USP32: variants seen among roughly 807,000 people sequenced by gnomAD.
The protein encoded by USP32 is ubiquitin carboxyl-terminal hydrolase 32.
In USP32, 59 loss-of-function variants were observed where a neutral mutation model predicts 204.8. That is an observed-to-expected ratio of 0.29 (90% CI 0.23 to 0.36). The LOEUF is 0.36. USP32 is among the 10% of genes least tolerant of loss of function. The pLI, the probability that USP32 is intolerant of heterozygous loss-of-function variation, is 1.00. For synonymous variants in USP32, 517 were observed against 678.4 expected, an observed-to-expected ratio of 0.76 and a Z score of 3.70; for missense variants, 1,160 against 1,946.4, an observed-to-expected ratio of 0.60 and a Z score of 7.60.
At chr17:60,311,909 G>A (rs1193397782) in intron 2 of USP32, among the ~76,000 whole-genome samples, 2 of 152,130 alleles carry the variant, frequency 1.3e-5, no homozygotes, top group African/African-American at 4.8e-5. Context: ...GCTGCTTTCT[G>A]GTCCTGGTCA....
intron 1 of USP32, among the ~76,000 whole-genome samples, chr17:60,416,958 C>T (rs920230139): frequency 8.7e-5 from 13 of 150,006 alleles, no homozygotes; most frequent in African/African-American, 2.5e-4. Flanking sequence ...CAATCTGTCA[C>T]GCAGGTTGGA....
intron 29 of USP32, among the ~76,000 whole-genome samples, chr17:60,187,360 C>G (rs1217735061): frequency 6.6e-6 from 1 of 152,134 alleles, no homozygotes; most frequent in East Asian, 1.9e-4. Flanking sequence ...CTGGCTTGGA[C>G]TTGGGTTATA....
At chr17:60,208,022 G>T in intron 24 of USP32, 37 bp downstream of exon 24, 1 of 1,517,998 alleles carries the variant, frequency 6.6e-7, no homozygotes, top group East Asian at 2.3e-5. Flanking sequence ...ATCTTTGGAG[G>T]ATAGAATCAA....
intron 4 of USP32, among the ~76,000 whole-genome samples, chr17:60,290,341 T>C (rs1322126575): frequency 2.0e-5 from 3 of 152,246 alleles, no homozygotes; most frequent in Non-Finnish European, 1.5e-5. Flanking sequence ...TCTTCATGTA[T>C]GCCCTATACA....
chr17:60,309,981 T>C (rs1413951885), intron 2 of USP32, among the ~76,000 whole-genome samples: 1 of 151,552 alleles, frequency 6.6e-6, no homozygotes, highest in Non-Finnish European at 1.5e-5. Flanking sequence ...GAGGTGGAGG[T>C]TGCAGTGAGC....
rs532698719 is a variant in USP32 at position 60,181,507 on chromosome 17, T to C, written c.4365A>G (p.Gln1455=). ...LSRGHVLGGS[Q]PELVTPQDHE... Reference sequence around the variant, plus strand: ...GGTCCTGAGGAGTGACCAACTCTGGTTGGCTGCCCCCCAGCACATGCCCTC... The same window carrying C: ...GGTCCTGAGGAGTGACCAACTCTGGCTGGCTGCCCCCCAGCACATGCCCTC... Residue 1455 remains glutamine, a synonymous_variant, in exon 32 of 34, where the codon CAA becomes CAG. Coordinates refer to ENST00000300896, the MANE Select transcript of USP32 (RefSeq NM_032582.4). The C allele has an allele frequency of 4.3e-6, 7 of 1,614,020 alleles. No homozygotes were observed. The highest frequency in any genetic ancestry group is 4.5e-5 in the East Asian group (2 of 44,876).
chr17:60,274,419 A>G (rs143348960), intron 5 of USP32, among the ~76,000 whole-genome samples: 1 of 152,330 alleles, frequency 6.6e-6, no homozygotes, highest in East Asian at 1.9e-4. Flanking sequence ...TGAAAACTAT[A>G]TTCCCACAGA....
At chr17:60,270,270 A>G (rs1161342328) in intron 6 of USP32, among the ~76,000 whole-genome samples, 2 of 152,234 alleles carry the variant, frequency 1.3e-5, no homozygotes, top group Non-Finnish European at 2.9e-5. Flanking sequence ...GTAGAAACCC[A>G]GAGCCCTATC....
chr17:60,375,531 C>T (rs2089522799), intron 1 of USP32, among the ~76,000 whole-genome samples: 1 of 152,160 alleles, frequency 6.6e-6, no homozygotes, highest in South Asian at 2.1e-4. Flanking sequence ...TATGCACACC[C>T]ATGAAGTGTA....
chr17:60,206,988 C>T lies in USP32; in HGVS notation c.3037+33G>A, dbSNP rs370399036. 11 of 1,578,272 alleles carry T rather than the reference C, an allele frequency of 7.0e-6. No individual in the cohort carries two copies. In the Admixed American group the frequency reaches 1.9e-4, roughly 28 times the overall value. ...ACTCTTAGACAAATATTTAAAGGAGCAATCATGAGAAGGAGTTCTAGTTCT... is the reference window on the plus strand; with the variant it reads ...ACTCTTAGACAAATATTTAAAGGAGTAATCATGAGAAGGAGTTCTAGTTCT... On this transcript the variant is annotated intron_variant, in intron 25 of 33. Coordinates refer to ENST00000300896, the MANE Select transcript of USP32 (RefSeq NM_032582.4).
intron 5 of USP32, among the ~76,000 whole-genome samples, chr17:60,272,723 C>T (rs922028487): frequency 7.9e-5 from 12 of 152,144 alleles, no homozygotes; most frequent in African/African-American, 1.2e-4. Flanking sequence ...TCCCCACAGT[C>T]ACTTTCCAGA....
At chr17:60,328,989 T>C (rs2088311863) in intron 2 of USP32, among the ~76,000 whole-genome samples, 1 of 152,112 alleles carries the variant, frequency 6.6e-6, no homozygotes, top group Non-Finnish European at 1.5e-5. Flanking sequence ...AGGCTGGTAG[T>C]GTGAGCCTGC....
intron 1 of USP32, among the ~76,000 whole-genome samples, chr17:60,406,511 T>A (rs1439366550): frequency 6.6e-6 from 1 of 151,258 alleles, no homozygotes. Context: ...GAAGTTCTTC[T>A]TTTGCTTTTT....
intron 2 of USP32, among the ~76,000 whole-genome samples, chr17:60,310,597 G>A (rs532953990): frequency 6.6e-6 from 1 of 152,138 alleles, no homozygotes; most frequent in East Asian, 1.9e-4. Context: ...TACTTGGGAG[G>A]CTGAGGCAGG....
chr17:60,264,857 CAAAAAAAA>C (rs34027846), intron 9 of USP32, among the ~76,000 whole-genome samples: 7 of 43,514 alleles, frequency 1.6e-4, no homozygotes, highest in African/African-American at 5.2e-4. Context: ...AAGACTCTGT[CAAAAAAAA>C]AAAAAAAAAA....
intron 27 of USP32, among the ~76,000 whole-genome samples, chr17:60,194,870 T>C (rs980925484): frequency 6.6e-6 from 1 of 152,230 alleles, no homozygotes; most frequent in Admixed American, 6.5e-5. Flanking sequence ...AAATCCTCAC[T>C]TGCCTCTTTA....
chr17:60,376,994 T>C (rs2146103404), intron 1 of USP32, among the ~76,000 whole-genome samples: 1 of 152,282 alleles, frequency 6.6e-6, no homozygotes, highest in East Asian at 1.9e-4. Flanking sequence ...CAAAGAACAT[T>C]GTCATAATAA....
chr17:60,379,889 C>T (rs2089616991), intron 1 of USP32, among the ~76,000 whole-genome samples: 1 of 152,142 alleles, frequency 6.6e-6, no homozygotes, highest in South Asian at 2.1e-4. Context: ...CAAGCATATG[C>T]TAAATTTGTG....
chr17:60,252,478 T>G, intron 10 of USP32, 36 bp from the exon 11 acceptor site: 1 of 1,517,712 alleles, frequency 6.6e-7, no homozygotes, highest in Non-Finnish European at 9.0e-7. Flanking sequence ...GTTTATTAAC[T>G]GCATAATATT....
Sources: gnomAD v4.1 joint callset for allele counts (sites outside exome capture counted in the v4.1 genomes callset) on GRCh38, gnomAD v4.1.1 for gene constraint, MANE v1.5 for transcripts, NCBI Gene and HGNC (gene_info 2026-07-23, HGNC 2026-07-21) for gene names.